SP140: variants seen among roughly 807,000 people sequenced by gnomAD.
SP140 encodes SP140 nuclear body protein, also known as nuclear body protein SP140.
In SP140, 81 loss-of-function variants were observed where a neutral mutation model predicts 125.0. The observed-to-expected ratio is 0.65, with a 90% CI of 0.54 to 0.78. The LOEUF is 0.78. SP140 is among the 30% of genes least tolerant of loss of function. The pLI is 0.00. For synonymous variants in SP140, 312 were observed against 354.0 expected, an observed-to-expected ratio of 0.88 and a Z score of 1.33; for missense variants, 858 against 1,037.0, an observed-to-expected ratio of 0.83 and a Z score of 2.37.
chr2:230,315,068 G>A (rs1030317071), downstream of SP140, among the ~76,000 whole-genome samples: 2 of 152,244 alleles, frequency 1.3e-5, no homozygotes, highest in Non-Finnish European at 2.9e-5. Context: ...CTATAGGCAA[G>A]ATAGATGGGC....
At chr2:230,266,674 CAT>C (rs2053177654) in intron 12 of SP140, among the ~76,000 whole-genome samples, 2 of 152,316 alleles carry the variant, frequency 1.3e-5, no homozygotes, top group Admixed American at 1.3e-4. Context: ...AGGTTGTTGA[CAT>C]AATCCAGTTC....
In SP140 at chr2:230,244,703, G is replaced by GAAAAGA. The variant is rs369168298; in HGVS notation, c.572-278_572-273dup. Among the ~76,000 whole-genome samples, 100 of 152,174 alleles carry GAAAAGA rather than the reference G, an allele frequency of 6.6e-4. 1 individual carries two copies. The East Asian group carries it at 0.014, about 22-fold the overall frequency. ...TGATGGAGGGCATTGAAGAGCAACAGAAAAGAAAAAGAGAGGGAATCCCAG... is the reference window on the plus strand; with the variant it reads ...TGATGGAGGGCATTGAAGAGCAACAGAAAAGAAAAAGAAAAAGAGAGGGAATCCCAG... On this transcript the variant is annotated intron_variant, in intron 5 of 26. Coordinates refer to ENST00000392045, the MANE Select transcript of SP140 (RefSeq NM_007237.5).
chr2:230,222,137 T>C (rs2045874796), upstream of SP140, among the ~76,000 whole-genome samples: 1 of 150,266 alleles, frequency 6.7e-6, no homozygotes, highest in African/African-American at 2.5e-5. Flanking sequence ...GGCTGAGGCA[T>C]GAGAATCGCT....
At chr2:230,188,351 C>G in the SP140 span, among the ~76,000 whole-genome samples, 1 of 152,112 alleles carries the variant, frequency 6.6e-6, no homozygotes, top group African/African-American at 2.4e-5. Flanking sequence ...TAACCTGAGA[C>G]TTTACTGGAT....
At chr2:230,284,488 G>C in intron 16 of SP140, 77 bp downstream of exon 16, 1 of 1,252,570 alleles carries the variant, frequency 8.0e-7, no homozygotes, top group Non-Finnish European at 1.1e-6. Context: ...AAGGCCTGCA[G>C]TTCCCCAGAG....
intron 20 of SP140, among the ~76,000 whole-genome samples, chr2:230,294,042 G>C (rs1197596080): frequency 1.3e-5 from 2 of 152,202 alleles, no homozygotes; most frequent in Admixed American, 6.5e-5. Flanking sequence ...ACTTAGGAAA[G>C]AAGCACAAGA....
At chr2:230,238,609 G>A in intron 3 of SP140, 1 of 787,628 alleles carries the variant, frequency 1.3e-6, no homozygotes, top group African/African-American at 1.7e-5. Context: ...TGGTTGCTCA[G>A]CCAGGACTTG....
rs745848625 is a variant in SP140 at position 230,259,771 on chromosome 2, C to CATATATATATATATATATATATATAT, written c.1240+4264_1240+4265insTATATATATATATATATATATATATA. On this transcript the variant is annotated intron_variant, in intron 12 of 26. Transcript: ENST00000392045. Reference sequence around the variant, plus strand: ...TTTTTATGGCTGCGTAGTATTCCATCATATATATATATATATATATATATA... The same window carrying CATATATATATATATATATATATATAT: ...TTTTTATGGCTGCGTAGTATTCCATCATATATATATATATATATATATATATATATATATATATATATATATATATA... 1.1e-3 allele frequency among the ~76,000 whole-genome samples: 98 copies of CATATATATATATATATATATATATAT among 85,684 alleles called. 1 individual carries two copies. Among genetic ancestry groups the CATATATATATATATATATATATATAT allele is most frequent in the Admixed American group, 1.8e-3 (17 of 9,376 alleles). The allele number at this position is 85,684 out of a possible 152,430, so 56.2% of individuals were successfully genotyped here. A position where few individuals can be genotyped will look rare whatever the true frequency, so the allele number is the denominator to read the frequency against.
At chr2:230,275,202 C>T (rs1006126002) in intron 15 of SP140, among the ~76,000 whole-genome samples, 26 of 152,006 alleles carry the variant, frequency 1.7e-4, no homozygotes, top group African/African-American at 4.1e-4. Context: ...TATTCTTTTA[C>T]GTTTCTTTGT....
At chr2:230,281,630 T>C (rs2055575219) in intron 15 of SP140, among the ~76,000 whole-genome samples, 1 of 152,220 alleles carries the variant, frequency 6.6e-6, no homozygotes, top group Non-Finnish European at 1.5e-5. Flanking sequence ...ATTTGGCTTT[T>C]AAAAAACTTT....
intron 12 of SP140, among the ~76,000 whole-genome samples, chr2:230,258,740 A>T (rs1392295759): frequency 6.6e-6 from 1 of 152,254 alleles, no homozygotes; most frequent in African/African-American, 2.4e-5. Flanking sequence ...CATTTGATGA[A>T]TCATATATTT....
At chr2:230,213,025 C>A (rs1271578814) in intron 1 of SP140, 1 of 1,613,866 alleles carries the variant, frequency 6.2e-7, no homozygotes, top group Admixed American at 1.7e-5. Flanking sequence ...TAGGAAGCAC[C>A]AACTGGGATT....
chr2:230,241,553 A>G, intron 4 of SP140, 66 bp downstream of exon 4: 2 of 912,864 alleles, frequency 2.2e-6, no homozygotes, highest in Middle Eastern at 2.2e-4. Flanking sequence ...ATGGAGGCAA[A>G]TCTTGTATTT....
At chr2:230,206,598 TATATATATATATATA>T (rs2043856922) in intron 1 of SP140, among the ~76,000 whole-genome samples, 1 of 31,310 alleles carries the variant, frequency 3.2e-5, no homozygotes, top group Non-Finnish European at 5.6e-5. Context: ...CCAGATTTTA[TATATATATATATATA>T]TATATATATA....
At chr2:230,290,827 C>T (rs1479818053) in intron 19 of SP140, among the ~76,000 whole-genome samples, 2 of 152,176 alleles carry the variant, frequency 1.3e-5, no homozygotes, top group Non-Finnish European at 2.9e-5. Flanking sequence ...AAAAATGTCA[C>T]GTATTTTACT....
In SP140 at chr2:230,214,855, G is replaced by T; in HGVS notation, c.-91+781G>T. ...CATTCCACCCCAGAGAGAAGGCGGGGGATTAACGTGCATATTCCACAGGGC... is the reference window on the plus strand; with the variant it reads ...CATTCCACCCCAGAGAGAAGGCGGGTGATTAACGTGCATATTCCACAGGGC... On this transcript the variant is annotated intron_variant, in intron 3 of 4. Coordinates refer to the SP140 transcript ENST00000456542. 14 of 1,010,720 alleles carry T rather than the reference G, an allele frequency of 1.4e-5. 1 individual carries two copies. In the South Asian group the frequency reaches 1.7e-4, roughly 12 times the overall value. 62.6% of individuals were successfully genotyped at this position (1,010,720 alleles called of 1,614,324 possible).
intron 22 of SP140, among the ~76,000 whole-genome samples, chr2:230,300,737 A>G (rs1378583676): frequency 6.6e-6 from 1 of 152,216 alleles, no homozygotes; most frequent in Non-Finnish European, 1.5e-5. Context: ...ATGACAAAAC[A>G]AAGTTCTATA....
chr2:230,247,886 A>T (rs1011380717), intron 7 of SP140, 30 bp from the exon 8 acceptor site: 7 of 1,604,852 alleles, frequency 4.4e-6, no homozygotes, highest in African/African-American at 1.3e-5. Context: ...AATTACATAC[A>T]CTCTCAGAGA....
chr2:230,261,518 C>T (rs2052238725), intron 12 of SP140, among the ~76,000 whole-genome samples: 1 of 152,076 alleles, frequency 6.6e-6, no homozygotes, highest in South Asian at 2.1e-4. Context: ...AGTGGGCATC[C>T]TTGTCTTGTT....
Sources: gnomAD v4.1 joint callset for allele counts (sites outside exome capture counted in the v4.1 genomes callset) on GRCh38, gnomAD v4.1.1 for gene constraint, MANE v1.5 for transcripts, NCBI Gene and HGNC (gene_info 2026-07-23, HGNC 2026-07-21) for gene names.